The following ZNF726 variants were observed in gnomAD, a reference collection of about 807,000 sequenced individuals.
ZNF726 encodes the protein zinc finger protein 726.
ZNF726 carries 15 observed loss-of-function variants against 11.6 expected under a neutral mutation model. The ratio of observed to expected loss-of-function variants is 1.29; its 90% CI spans 0.86 to 1.99. The LOEUF (loss-of-function observed/expected upper bound fraction) is 1.99. ZNF726 is among the 30% of genes most tolerant of loss of function. The pLI is 0.00. For synonymous variants in ZNF726, 295 were observed against 243.6 expected (o/e 1.21, Z -1.96); for missense variants, 890 against 725.6 (o/e 1.23, Z -2.60).
intron 2 of ZNF726, 175 bp from the exon 3 acceptor site, chr19:23,919,812 T>C (rs908451097): frequency 4.2e-6 from 2 of 472,706 alleles, no homozygotes; most frequent in Non-Finnish European, 6.7e-6. Flanking sequence ...GGCAGTGAAA[T>C]TAAGAACCTA....
chr19:23,937,368 G>A (rs1307531838), downstream of ZNF726, among the ~76,000 whole-genome samples: 1 of 151,480 alleles, frequency 6.6e-6, no homozygotes, highest in African/African-American at 2.4e-5. Context: ...GCTGGGCGGA[G>A]GGGCTCCTCA....
rs566965561 is a variant in ZNF726, at chr19:23,932,909, G to T, written c.793G>T (p.Ala265Ser). Residue 265 changes from alanine to serine, a missense_variant, in exon 4 of 4, where the codon GCA becomes TCA. Physicochemically the swap from Ala to Ser is moderately conservative, Grantham distance 99 (BLOSUM62 1). Transcript: ENST00000594466. ...KPYKCEECGK[A>S]FSQSSTLTIH... ...TTACAAGTGTGAAGAATGTGGCAAA[G>T]CATTTAGCCAATCCTCAACACTAAC... 1 of 1,610,446 alleles carries T rather than the reference G, an allele frequency of 6.2e-7. No individual in the cohort carries two copies. The highest frequency in any genetic ancestry group is 1.7e-4 in the Middle Eastern group (1 of 6,060).
At chr19:23,926,475 AC>A (rs1967990140) in intron 3 of ZNF726, among the ~76,000 whole-genome samples, 1 of 150,114 alleles carries the variant, frequency 6.7e-6, no homozygotes, top group African/African-American at 2.5e-5. Context: ...AATCACTTGA[AC>A]CCAGGAGGCG....
intron 3 of ZNF726, among the ~76,000 whole-genome samples, chr19:23,941,380 C>T (rs767477405): frequency 6.6e-6 from 1 of 152,058 alleles, no homozygotes; most frequent in Non-Finnish European, 1.5e-5. Flanking sequence ...ATTTGGTTAG[C>T]TAGTATTTTG....
At position 23,932,804 on chromosome 19, in the gene ZNF726, A is replaced by T. The variant is rs1242356067; in HGVS notation, c.688A>T (p.Lys230Ter). Reference protein sequence around the residue: ...KKTHTEEKPYKCEEYGKAFNQ... With the variant: ...KKTHTEEKPY ...AACTCATACTGAAGAAAAGCCCTAC[A>T]AATGTGAAGAATATGGCAAAGCTTT... Residue 230 changes from lysine to a stop codon, truncating the protein, a stop_gained, in exon 4 of 4, where the codon AAA becomes TAA. Transcript: ENST00000594466. LOFTEE classifies it low-confidence loss of function (END_TRUNC). The T allele has an allele frequency of 6.2e-7, 1 of 1,610,660 alleles. No homozygotes were observed. Among genetic ancestry groups the T allele is most frequent in the South Asian group, 1.1e-5 (1 of 90,738 alleles).
In ZNF726 at chr19:23,934,285, C is replaced by T; in HGVS notation, c.*318C>T. 1 of 622,540 alleles carries T rather than the reference C, an allele frequency of 1.6e-6. No individual in the cohort carries two copies. The highest frequency in any genetic ancestry group is 3.1e-6 in the Non-Finnish European group (1 of 320,284). The allele number at this position is 622,540 out of a possible 1,614,324, so 38.6% of individuals were successfully genotyped here. A position where few individuals can be genotyped will look rare whatever the true frequency, so the allele number is the denominator to read the frequency against. On this transcript the variant is annotated 3_prime_UTR_variant, in exon 4 of 4. Coordinates refer to ENST00000594466, the MANE Select transcript of ZNF726 (RefSeq NM_001244038.2). ...CCCTAAGTAGACATAAGAGGATGCA[C>T]ACTGGAGAGAAACCTTACAAATGTG...
intron 3 of ZNF726, chr19:23,929,347 T>G (rs1323990010): frequency 1.3e-5 from 2 of 152,332 alleles, no homozygotes; most frequent in African/African-American, 4.8e-5. Flanking sequence ...CTGGGCAATT[T>G]AGAAAAGAAA....
At position 23,933,102 on chromosome 19, in the gene ZNF726, C is replaced by G. The variant is rs1002845046; in HGVS notation, c.986C>G (p.Thr329Ser). The change falls in exon 4 of 4, where the codon ACT (threonine) becomes AGT (serine). Residue 329 changes from threonine (T) to serine (S), a missense_variant. Transcript: ENST00000594466. ...GKAFVWSSTL[T>S]RHKRLHSGEK... ...GCATTTGTTTGGTCCTCAACCCTAA[C>G]TAGACATAAGAGGCTGCACAGTGGA... is the stretch of plus-strand genomic sequence containing the variant. 6.2e-7 allele frequency: 1 copy of G among 1,612,254 alleles called. No individual in the cohort carries two copies. The highest frequency in any genetic ancestry group is 8.5e-7 in the Non-Finnish European group (1 of 1,179,930).
chr19:23,931,356 CCA>C (rs527810930), intron 3 of ZNF726, among the ~76,000 whole-genome samples: 272 of 152,260 alleles, frequency 1.8e-3, no homozygotes, highest in Non-Finnish European at 3.4e-3. Context: ...TTTTTTACCT[CCA>C]CAGTTTCCGT....
chr19:23,928,708 AATGAGT>A (rs1338427518), intron 3 of ZNF726: 31 of 152,212 alleles, frequency 2.0e-4, no homozygotes, highest in African/African-American at 4.6e-4. Context: ...TCAGTGCTAA[AATGAGT>A]CCCTTGTAGG....
At chr19:23,943,784 C>T (rs1039737724) in intron 4 of ZNF726, 1 of 397,234 alleles carries the variant, frequency 2.5e-6, no homozygotes, top group Non-Finnish European at 4.5e-6. Flanking sequence ...GACTCTACTT[C>T]CTATTTAGTG....
chr19:23,922,900 A>G (rs1599456424), intron 3 of ZNF726, among the ~76,000 whole-genome samples: 1 of 136,654 alleles, frequency 7.3e-6, no homozygotes, highest in Non-Finnish European at 1.5e-5. Flanking sequence ...TCTTGCTGTC[A>G]GGGGATAAGC....
chr19:23,936,390 C>CT (rs551507692), downstream of ZNF726, among the ~76,000 whole-genome samples: 17 of 151,888 alleles, frequency 1.1e-4, no homozygotes, highest in African/African-American at 1.7e-4. Flanking sequence ...CAAAGTATAA[C>CT]TTTTTTTTGA....
chr19:23,920,125 C>T (rs1967806765), intron 3 of ZNF726, 43 bp downstream of exon 3: 2 of 1,362,116 alleles, frequency 1.5e-6, no homozygotes, highest in Non-Finnish European at 1.0e-6. Context: ...ATGAGAGGTC[C>T]AACGTCAAGA....
Position 23,933,168 on chromosome 19 carries a change from G to A in ZNF726, c.1052G>A (p.Ser351Asn). ...TGTGAAGAATGTGCCAAAGCTTTTA[G>A]CCAATTCGGACACCTTACTACACAT... ...YKCEECAKAFSQFGHLTTHRI... is the reference protein window; with the variant it reads ...YKCEECAKAFNQFGHLTTHRI... Residue 351 changes from serine (S) to asparagine (N), a missense_variant, in exon 4 of 4, where the codon AGC (serine) becomes AAC (asparagine). By Grantham distance (46) the Ser-to-Asn change is conservative. Coordinates refer to ENST00000594466, the MANE Select transcript of ZNF726 (RefSeq NM_001244038.2). The A allele has an allele frequency of 6.2e-7, 1 of 1,600,312 alleles. No individual in the cohort carries two copies.
Position 23,932,402 on chromosome 19 carries a change from C to A in ZNF726, c.286C>A (p.Gln96Lys). The change falls in exon 4 of 4, where the codon CAA (glutamine) becomes AAA (lysine). Residue 96 changes from glutamine (Q) to lysine (K), a missense_variant. By Grantham distance (53) the Gln-to-Lys change is moderately conservative. Transcript: ENST00000594466. ...AGAGCAGGGCGTGGAAGATTCTTTT[C>A]AAAAAGTAATACTAAGAAGATTTGA... ...WPEQGVEDSFQKVILRRFEKC... is the reference protein window; with the variant it reads ...WPEQGVEDSFKKVILRRFEKC... The A allele has an allele frequency of 6.5e-7, 1 of 1,527,242 alleles. No individual in the cohort carries two copies. The highest frequency in any genetic ancestry group is 8.7e-7 in the Non-Finnish European group (1 of 1,143,586). 94.6% of individuals were successfully genotyped at this position (1,527,242 alleles called of 1,614,324 possible).
intron 1 of ZNF726, among the ~76,000 whole-genome samples, 160 bp downstream of exon 1, chr19:23,915,157 C>A (rs1055995019): frequency 6.6e-6 from 1 of 152,156 alleles, no homozygotes; most frequent in African/African-American, 2.4e-5. Context: ...CTTAAGATGG[C>A]GGCTGCGCTG....
At chr19:23,915,429 T>G (rs1208424719) in intron 1 of ZNF726, among the ~76,000 whole-genome samples, 1 of 152,132 alleles carries the variant, frequency 6.6e-6, no homozygotes, top group African/African-American at 2.4e-5. Flanking sequence ...TAATTTAAAG[T>G]GTGATTCAAA....
intron 1 of ZNF726, among the ~76,000 whole-genome samples, chr19:23,915,225 G>C (rs2144949667): frequency 6.6e-6 from 1 of 152,256 alleles, no homozygotes; most frequent in African/African-American, 2.4e-5. Context: ...GCCCTGGCCT[G>C]GAGCCCTCTT....
Sources: allele counts gnomAD v4.1 joint callset (sites outside exome capture counted in the v4.1 genomes callset), GRCh38; gene constraint gnomAD v4.1.1; transcripts MANE v1.5; gene names NCBI Gene and HGNC (gene_info 2026-07-23, HGNC 2026-07-21).